TBK1: variants seen among roughly 807,000 people sequenced by gnomAD.
TBK1 encodes TANK binding kinase 1, also known as serine/threonine-protein kinase TBK1.
TBK1 carries 37 observed loss-of-function variants against 99.9 expected under a neutral mutation model. That is an observed-to-expected ratio of 0.37 (90% CI 0.28 to 0.49). The LOEUF (loss-of-function observed/expected upper bound fraction) is 0.49. TBK1 is among the 20% of genes least tolerant of loss of function. TBK1 has a pLI of 0.98. For missense variants in TBK1, 644 were observed against 872.5 expected (o/e 0.74, Z 3.30); for synonymous variants, 258 against 279.8 (o/e 0.92, Z 0.78).
Position 64,497,717 on chromosome 12 carries a change from T to A in TBK1, c.2029T>A (p.Tyr677Asn), listed in dbSNP as rs1163013930. The A allele has an allele frequency of 1.9e-6, 3 of 1,609,752 alleles. No homozygotes were observed. In the East Asian group the frequency reaches 6.7e-5, roughly 36 times the overall value. ...SGIKHTMTPI[Y>N]PSSNTLVEMT... ...AATCAAACATACCATGACCCCAATT[T>A]ATCCAAGTTCTAACACATTAGTAGA... Residue 677 changes from tyrosine (Y) to asparagine (N), a missense_variant, in exon 19 of 21, where the codon TAT becomes AAT. Tyr to Asn is a moderately radical substitution (Grantham distance 143). This residue lies in a region of TBK1 where 465 missense variants were observed against 588.0 expected (regional missense o/e 0.79). Transcript: ENST00000331710.
rs560488303 is a variant in TBK1, at chr12:64,469,990, G to A, written c.540+2908G>A. ...GCTCTAAGAATGTTCTTGGGCTTCA[G>A]TCTGGTTCCATCAGGCCCAGAGAAA... On this transcript the variant is annotated intron_variant, in intron 5 of 20. Transcript: ENST00000331710. Among the ~76,000 whole-genome samples, 220 of 152,280 alleles carry A rather than the reference G, an allele frequency of 1.4e-3. 1 individual carries two copies. Among genetic ancestry groups the A allele is most frequent in the Non-Finnish European group, 2.5e-3 (168 of 68,032 alleles).
chr12:64,485,918 T>C lies in TBK1; in HGVS notation c.1249-8T>C. On this transcript the variant is annotated splice_region_variant and splice_polypyrimidine_tract_variant and intron_variant, in intron 10 of 20. Transcript: ENST00000331710. ...GCACCAAATATTGACATTTTATTTC[T>C]TTATTAGGCAATAACAGGGGTTGTG... 1.9e-6 allele frequency: 3 copies of C among 1,552,816 alleles called. No homozygotes were observed. Among genetic ancestry groups the C allele is most frequent in the Non-Finnish European group, 1.7e-6 (2 of 1,152,940 alleles).
chr12:64,457,213 G>A (rs945265640), intron 2 of TBK1, among the ~76,000 whole-genome samples: 1 of 152,124 alleles, frequency 6.6e-6, no homozygotes, highest in Non-Finnish European at 1.5e-5. Flanking sequence ...TGGGGGAGGG[G>A]CTGTTTCCTC....
At chr12:64,477,759 G>T (rs2040729104) in intron 6 of TBK1, among the ~76,000 whole-genome samples, 2 of 152,118 alleles carry the variant, frequency 1.3e-5, no homozygotes, top group African/African-American at 4.8e-5. Context: ...CATTCAGAAT[G>T]ATGTTGGCTA....
chr12:64,462,580 A>G (rs189841984), intron 3 of TBK1, among the ~76,000 whole-genome samples: 1 of 152,320 alleles, frequency 6.6e-6, no homozygotes, highest in East Asian at 1.9e-4. Flanking sequence ...TATCATTTAA[A>G]AGCAACAGTT....
intron 11 of TBK1, among the ~76,000 whole-genome samples, chr12:64,486,715 A>G (rs1592370278): frequency 6.6e-6 from 1 of 152,178 alleles, no homozygotes; most frequent in Admixed American, 6.6e-5. Flanking sequence ...AGCCACACCC[A>G]GCCTTCACAA....
In TBK1 at chr12:64,455,913, T is replaced by C; in HGVS notation, c.43T>C (p.Leu15=). 1 of 1,614,008 alleles carries C rather than the reference T, an allele frequency of 6.2e-7. No individual in the cohort carries two copies. Among genetic ancestry groups the C allele is most frequent in the South Asian group, 1.1e-5 (1 of 91,036 alleles). Residue 15 remains leucine (L), a synonymous_variant, in exon 2 of 21, where the codon TTA becomes CTA. Transcript: ENST00000331710. ...TCATCTGTGGCTTTTATCTGATATT[T>C]TAGGCCAAGGAGCTACTGCAAATGT... ...SNHLWLLSDI[L]GQGATANVFR...
chr12:64,485,624 A>G (rs1049495689), intron 10 of TBK1, 111 bp downstream of exon 10: 1 of 533,160 alleles, frequency 1.9e-6, no homozygotes, highest in Non-Finnish European at 3.2e-6. Context: ...GACTTAGGAA[A>G]TTATTCACTT....
At chr12:64,455,813 T>C (rs943627578) in intron 1 of TBK1, 27 bp from the exon 2 acceptor site, 10 of 1,335,100 alleles carry the variant, frequency 7.5e-6, no homozygotes, top group African/African-American at 1.5e-5. Context: ...CCTTAAAACA[T>C]AGTTGCAAAT....
intron 3 of TBK1, among the ~76,000 whole-genome samples, chr12:64,463,375 G>T (rs1400332599): frequency 7.0e-6 from 1 of 143,700 alleles, no homozygotes; most frequent in East Asian, 2.0e-4. Flanking sequence ...GCGAGACTTT[G>T]TCTCAAAAAA....
chr12:64,493,861 C>T (rs1190467495), intron 13 of TBK1, among the ~76,000 whole-genome samples: 4 of 152,160 alleles, frequency 2.6e-5, no homozygotes, highest in African/African-American at 7.2e-5. Context: ...ATGACTGTTA[C>T]TCTACAAACA....
At chr12:64,474,950 C>T (rs2136070398) in intron 6 of TBK1, among the ~76,000 whole-genome samples, 1 of 152,222 alleles carries the variant, frequency 6.6e-6, no homozygotes, top group African/African-American at 2.4e-5. Context: ...GACCCTGTCT[C>T]TATAAAAAAA....
intron 7 of TBK1, 49 bp downstream of exon 7, chr12:64,480,171 A>C (rs932515016): frequency 7.2e-7 from 1 of 1,390,938 alleles, no homozygotes; most frequent in Admixed American, 1.9e-5. Flanking sequence ...GGTGTTTGAA[A>C]TCTTTGTTGC....
At chr12:64,458,115 A>G (rs2040508244) in intron 2 of TBK1, among the ~76,000 whole-genome samples, 2 of 151,602 alleles carry the variant, frequency 1.3e-5, no homozygotes, top group South Asian at 2.1e-4. Flanking sequence ...ACACACACAC[A>G]CACACATACA....
chr12:64,460,120 C>G, intron 2 of TBK1, 69 bp from the exon 3 acceptor site: 2 of 1,099,894 alleles, frequency 1.8e-6, no homozygotes, highest in East Asian at 3.0e-5. Context: ...ATAGCGAGTT[C>G]TAATGCTACC....
intron 5 of TBK1, among the ~76,000 whole-genome samples, chr12:64,468,379 G>T (rs2040627230): frequency 6.6e-6 from 1 of 151,898 alleles, no homozygotes; most frequent in Admixed American, 6.6e-5. Flanking sequence ...TGTAATCTCA[G>T]CTACTTTGGG....
chr12:64,478,342 G>T (rs1167993921), intron 6 of TBK1, among the ~76,000 whole-genome samples: 1 of 152,062 alleles, frequency 6.6e-6, no homozygotes, highest in African/African-American at 2.4e-5. Context: ...GTAAAGATGG[G>T]TTTCACCACG....
At chr12:64,478,935 A>G (rs1236668994) in intron 6 of TBK1, among the ~76,000 whole-genome samples, 1 of 152,210 alleles carries the variant, frequency 6.6e-6, no homozygotes, top group Non-Finnish European at 1.5e-5. Flanking sequence ...GAAACATGTG[A>G]CTCATAAGCA....
At chr12:64,478,714 A>G (rs532003236) in intron 6 of TBK1, among the ~76,000 whole-genome samples, 6 of 152,330 alleles carry the variant, frequency 3.9e-5, no homozygotes, top group Non-Finnish European at 5.9e-5. Context: ...ATAGCATCCT[A>G]TTGAGCCTGC....
Sources: gnomAD v4.1 joint callset for allele counts (sites outside exome capture counted in the v4.1 genomes callset) on GRCh38, gnomAD v4.1.1 for gene constraint, gnomAD v4.1.1 regional missense constraint, MANE v1.5 for transcripts, NCBI Gene and HGNC (gene_info 2026-07-23, HGNC 2026-07-21) for gene names.